TRIM47: variants seen among roughly 807,000 people sequenced by gnomAD.
The protein encoded by TRIM47 is tripartite motif containing 47.
TRIM47 carries 46 observed loss-of-function variants against 54.4 expected under a neutral mutation model. The observed-to-expected ratio is 0.84, with a 90% CI of 0.67 to 1.08. TRIM47 has a LOEUF of 1.08. Ranked by LOEUF, TRIM47 falls within the 50% of genes least tolerant of loss-of-function variation. TRIM47 has a pLI of 0.00. For missense variants in TRIM47, 825 were observed against 910.1 expected (o/e 0.91, Z 1.20); for synonymous variants, 392 against 410.2 (o/e 0.96, Z 0.54).
rs2065150021 is a variant in TRIM47, at chr17:75,878,529, A to G, written c.20T>C (p.Phe7Ser). 1 of 1,317,558 alleles carries G rather than the reference A, an allele frequency of 7.6e-7. No individual in the cohort carries two copies. Among genetic ancestry groups the G allele is most frequent in the Admixed American group, 3.4e-5 (1 of 29,644 alleles). The allele number at this position is 1,317,558 out of a possible 1,614,324, so 81.6% of individuals were successfully genotyped here. A position where few individuals can be genotyped will look rare whatever the true frequency, so the allele number is the denominator to read the frequency against. ...TGGCTCTAGGCAGATGGGGCAGCTG[A>G]AGGGTCCACTGCCGTCCATGACTCC... MDGSGPFSCPICLEPLR... is the reference protein window; with the variant it reads MDGSGPSSCPICLEPLR... Residue 7 changes from phenylalanine to serine, a missense_variant, in exon 1 of 6, where the codon TTC becomes TCC. Physicochemically the swap from Phe to Ser is radical, Grantham distance 155 (BLOSUM62 -2). Transcript: ENST00000254816.
chr17:75,876,140 G>T (rs1285585123), intron 3 of TRIM47, 41 bp from the exon 4 acceptor site: 10 of 1,587,590 alleles, frequency 6.3e-6, no homozygotes, highest in Non-Finnish European at 8.5e-6. Flanking sequence ...GCTGGCCATG[G>T]CTCCTCCTTG....
chr17:75,876,973 G>T (rs1471523901), intron 1 of TRIM47, 160 bp from the exon 2 acceptor site: 1 of 687,022 alleles, frequency 1.5e-6, no homozygotes, highest in Middle Eastern at 4.1e-4. Flanking sequence ...TATGCCAGAG[G>T]TGCCTGCAGC....
chr17:75,877,859 GC>G lies in TRIM47; in HGVS notation c.675+14del, dbSNP rs1227115465. The G allele has an allele frequency of 2.3e-6, 3 of 1,313,310 alleles. No homozygotes were observed. Among genetic ancestry groups the G allele is most frequent in the Non-Finnish European group, 2.9e-6 (3 of 1,031,522 alleles). 81.4% of individuals were successfully genotyped at this position (1,313,310 alleles called of 1,614,324 possible). Reference sequence around the variant, plus strand: ...CACCAGCCCCGGCTCACCCGAGTGTGCCCCCGGAGCCCACCTCCTGAAGCGC... The same window carrying G: ...CACCAGCCCCGGCTCACCCGAGTGTGCCCCGGAGCCCACCTCCTGAAGCGC... On this transcript the variant is annotated intron_variant, in intron 1 of 5. Coordinates refer to ENST00000254816, the MANE Select transcript of TRIM47 (RefSeq NM_033452.3).
intron 1 of TRIM47, 198 bp from the exon 2 acceptor site, chr17:75,877,011 G>A (rs1048619668): frequency 3.4e-6 from 2 of 594,334 alleles, no homozygotes; most frequent in Admixed American, 2.9e-5. Flanking sequence ...CTGAACGCCT[G>A]GGGGGCGTGC....
In TRIM47 at chr17:75,877,928, C is replaced by A; in HGVS notation, c.621G>T (p.Gln207His). The stretch of plus-strand genomic sequence containing the variant: ...GCACCAGCTCGTGGCCGCGGTGCTC[C>A]TGTGCGGCGCAGGCCTCGCACAGAC... ...RVCLCEACAA[Q>H]EHRGHELVPL... Residue 207 changes from glutamine (Q) to histidine (H), a missense_variant, in exon 1 of 6, where the codon CAG (glutamine) becomes CAT (histidine). Coordinates refer to ENST00000254816, the MANE Select transcript of TRIM47 (RefSeq NM_033452.3). The A allele has an allele frequency of 1.4e-6, 2 of 1,440,134 alleles. No homozygotes were observed. Among genetic ancestry groups the A allele is most frequent in the Non-Finnish European group, 9.1e-7 (1 of 1,101,068 alleles). 89.2% of individuals were successfully genotyped at this position (1,440,134 alleles called of 1,614,324 possible).
chr17:75,874,574 A>T lies in TRIM47; in HGVS notation c.1826T>A (p.Leu609His), dbSNP rs751151415. The change falls in exon 6 of 6, where the codon CTC (leucine) becomes CAC (histidine). Residue 609 changes from leucine to histidine, a missense_variant. Physicochemically the swap from Leu to His is moderately conservative, Grantham distance 99 (BLOSUM62 -3). Coordinates refer to ENST00000254816, the MANE Select transcript of TRIM47 (RefSeq NM_033452.3). The surrounding 1 kb of genome is among the most constrained non-coding windows in gnomAD (Gnocchi z 6.2). ...SHFAGLFTHRLKPAFFLESVD... is the reference protein window; with the variant it reads ...SHFAGLFTHRHKPAFFLESVD... Reference sequence around the variant, plus strand: ...ACTCTCCAGGAAGAAGGCAGGCTTGAGTCTGTGGGTGAAGAGCCCCGCAAA... The same window carrying T: ...ACTCTCCAGGAAGAAGGCAGGCTTGTGTCTGTGGGTGAAGAGCCCCGCAAA... 6.5e-7 allele frequency: 1 copy of T among 1,535,370 alleles called. No individual in the cohort carries two copies. The highest frequency in any genetic ancestry group is 2.2e-5 in the Admixed American group (1 of 46,464).
chr17:75,876,620 C>G, intron 2 of TRIM47, 98 bp downstream of exon 2: 1 of 1,538,052 alleles, frequency 6.5e-7, no homozygotes, highest in South Asian at 1.2e-5. Flanking sequence ...CTGAGCCTGT[C>G]CTGGATCTGG....
At position 75,874,630 on chromosome 17, in the gene TRIM47, A is replaced by G; in HGVS notation, c.1770T>C (p.Ile590=). The change falls in exon 6 of 6, where the codon ATT becomes ATC. Residue 590 remains isoleucine, a synonymous_variant. Coordinates refer to ENST00000254816, the MANE Select transcript of TRIM47 (RefSeq NM_033452.3). This position sits in a 1 kb window ranked among gnomAD's most constrained non-coding sequence, Gnocchi z 6.2. ...TGTCCAGGCGGCTCTGGAAGGGGTC[A>G]ATGGGGGAGGCCGGGATGCCACCCC... ...PRRGGIPASP[I]DPFQSRLDSH... The G allele has an allele frequency of 6.3e-7, 1 of 1,585,346 alleles. No individual in the cohort carries two copies. Among genetic ancestry groups the G allele is most frequent in the East Asian group, 2.2e-5 (1 of 44,480 alleles).
Position 75,876,456 on chromosome 17 carries a change from G to A in TRIM47, c.808C>T (p.Leu270=). The part of the protein sequence containing the change: ...AVAERERVSR[L]FADAAAALQG... ...AGGGCGGCCGCAGCATCTGCAAACAGCCGGCTCACCCTCTCCCGCTCTGCT... is the reference window on the plus strand; with the variant it reads ...AGGGCGGCCGCAGCATCTGCAAACAACCGGCTCACCCTCTCCCGCTCTGCT... Residue 270 remains leucine, a synonymous_variant, in exon 3 of 6, where the codon CTG becomes TTG. Coordinates refer to ENST00000254816, the MANE Select transcript of TRIM47 (RefSeq NM_033452.3). The A allele has an allele frequency of 6.2e-7, 1 of 1,610,404 alleles. No homozygotes were observed.
Position 75,874,632 on chromosome 17 carries a change from T to C in TRIM47, c.1768A>G (p.Ile590Val), listed in dbSNP as rs370028244. Reference protein sequence around the residue: ...PRRGGIPASPIDPFQSRLDSH... With the variant: ...PRRGGIPASPVDPFQSRLDSH... The stretch of plus-strand genomic sequence containing the variant: ...TCCAGGCGGCTCTGGAAGGGGTCAA[T>C]GGGGGAGGCCGGGATGCCACCCCGG... Residue 590 changes from isoleucine to valine, a missense_variant, in exon 6 of 6, where the codon ATT (isoleucine) becomes GTT (valine). By Grantham distance (29) the Ile-to-Val change is conservative (BLOSUM62 3). Coordinates refer to ENST00000254816, the MANE Select transcript of TRIM47 (RefSeq NM_033452.3). The surrounding 1 kb of genome is among the most constrained non-coding windows in gnomAD (Gnocchi z 6.2). 14 of 1,585,622 alleles carry C rather than the reference T, an allele frequency of 8.8e-6. No homozygotes were observed. The highest frequency in any genetic ancestry group is 1.2e-5 in the Non-Finnish European group (14 of 1,165,058).
In TRIM47 at chr17:75,875,148, G is replaced by T; in HGVS notation, c.1277-25C>A. On this transcript the variant is annotated intron_variant, in intron 5 of 5. Coordinates refer to ENST00000254816, the MANE Select transcript of TRIM47 (RefSeq NM_033452.3). This position sits in a 1 kb window ranked among gnomAD's most constrained non-coding sequence, Gnocchi z 6.1. Reference sequence around the variant, plus strand: ...ACTGATCCCGTGGACAGAAGAGAGAGGCAGGGCTCAGGGCCAGGCTCAGAG... The same window carrying T: ...ACTGATCCCGTGGACAGAAGAGAGATGCAGGGCTCAGGGCCAGGCTCAGAG... 6.4e-7 allele frequency: 1 copy of T among 1,567,076 alleles called. No homozygotes were observed.
In TRIM47 at chr17:75,876,912, G is replaced by T; in HGVS notation, c.676-99C>A. 7 of 1,167,956 alleles carry T rather than the reference G, an allele frequency of 6.0e-6. No homozygotes were observed. In the South Asian group the frequency reaches 9.4e-5, roughly 16 times the overall value. 72.3% of individuals were successfully genotyped at this position (1,167,956 alleles called of 1,614,324 possible). A position where few individuals can be genotyped will look rare whatever the true frequency, so the allele number is the denominator to read the frequency against. On this transcript the variant is annotated intron_variant, in intron 1 of 5. Transcript: ENST00000254816. Reference sequence around the variant, plus strand: ...CAGGGGAGAGAAGGGGGTGACTGGGGAGTGGTATCTGTGCATCAGGTGGGA... The same window carrying T: ...CAGGGGAGAGAAGGGGGTGACTGGGTAGTGGTATCTGTGCATCAGGTGGGA...
chr17:75,876,580 C>T lies in TRIM47; in HGVS notation c.772-88G>A, dbSNP rs569487988. ...TCCTTCCCTGACCCCGGCTTCCCAC[C>T]GGCCCTCTTGAGGGGACAGAGGGGC... On this transcript the variant is annotated intron_variant, in intron 2 of 5. Coordinates refer to ENST00000254816, the MANE Select transcript of TRIM47 (RefSeq NM_033452.3). 5.2e-5 allele frequency: 78 copies of T among 1,502,796 alleles called. No individual in the cohort carries two copies. The South Asian group carries it at 7.9e-4, about 15-fold the overall frequency. The allele number at this position is 1,502,796 out of a possible 1,614,324, so 93.1% of individuals were successfully genotyped here.
At position 75,878,003 on chromosome 17, in the gene TRIM47, G is replaced by A. The variant is rs1209325505; in HGVS notation, c.546C>T (p.Cys182=). The change falls in exon 1 of 6, where the codon TGC becomes TGT. Residue 182 remains cysteine (C), a synonymous_variant. Coordinates refer to ENST00000254816, the MANE Select transcript of TRIM47 (RefSeq NM_033452.3). ...PPLRRLEESL[C]PRHLRPLERY... ...GCTCGAGCGGCCGTAGGTGGCGCGGGCACAGGCTCTCCTCTAGCCGGCGCA... is the reference window on the plus strand; with the variant it reads ...GCTCGAGCGGCCGTAGGTGGCGCGGACACAGGCTCTCCTCTAGCCGGCGCA... 3.4e-6 allele frequency: 5 copies of A among 1,465,292 alleles called. No homozygotes were observed. The highest frequency in any genetic ancestry group is 1.3e-5 in the South Asian group (1 of 76,932). 90.8% of individuals were successfully genotyped at this position (1,465,292 alleles called of 1,614,324 possible). A position where few individuals can be genotyped will look rare whatever the true frequency, so the allele number is the denominator to read the frequency against.
Position 75,875,520 on chromosome 17 carries a change from C to A in TRIM47, c.1202-46G>T, listed in dbSNP as rs568976227. 8.4e-6 allele frequency: 13 copies of A among 1,554,018 alleles called. No homozygotes were observed. Among genetic ancestry groups the A allele is most frequent in the Non-Finnish European group, 1.2e-5 (13 of 1,126,424 alleles). On this transcript the variant is annotated intron_variant, in intron 4 of 5. Coordinates refer to ENST00000254816, the MANE Select transcript of TRIM47 (RefSeq NM_033452.3). The surrounding 1 kb of genome is among the most constrained non-coding windows in gnomAD (Gnocchi z 6.1). ...GTGAGAACGCCCCCAGACTGCCCCC[C>A]TCTGAACCTGTGACTACAATCCCTA...
Position 75,878,238 on chromosome 17 carries a change from G to C in TRIM47, c.311C>G (p.Ala104Gly), listed in dbSNP as rs1459114378. 1 of 1,234,174 alleles carries C rather than the reference G, an allele frequency of 8.1e-7. No homozygotes were observed. Among genetic ancestry groups the C allele is most frequent in the Non-Finnish European group, 1.0e-6 (1 of 988,916 alleles). 76.5% of individuals were successfully genotyped at this position (1,234,174 alleles called of 1,614,324 possible). A position where few individuals can be genotyped will look rare whatever the true frequency, so the allele number is the denominator to read the frequency against. ...CGACGGCTCCGGGACACTGGGCAGC[G>C]CGCTGGGTGCCGAGGGCTCCGGGGC... is the stretch of plus-strand genomic sequence containing the variant. ...ALAPEPSAPS[A>G]LPSVPEPSAP... Residue 104 changes from alanine (A) to glycine (G), a missense_variant, in exon 1 of 6, where the codon GCG becomes GGG. By Grantham distance (60) the Ala-to-Gly change is moderately conservative. Coordinates refer to ENST00000254816, the MANE Select transcript of TRIM47 (RefSeq NM_033452.3).
rs544335771 is a variant in TRIM47, at chr17:75,877,166, C to T, written c.676-353G>A. On this transcript the variant is annotated intron_variant, in intron 1 of 5. Transcript: ENST00000254816. Reference sequence around the variant, plus strand: ...TAAGCCAGTTAGGTTGGGAGGTGGGCGGCGGAGGGGTGACTGCACAAGGAG... The same window carrying T: ...TAAGCCAGTTAGGTTGGGAGGTGGGTGGCGGAGGGGTGACTGCACAAGGAG... 99 of 306,440 alleles carry T rather than the reference C, an allele frequency of 3.2e-4. 1 individual carries two copies. Among genetic ancestry groups the T allele is most frequent in the Middle Eastern group, 2.1e-3 (2 of 970 alleles). 19.0% of individuals were successfully genotyped at this position (306,440 alleles called of 1,614,324 possible). A position where few individuals can be genotyped will look rare whatever the true frequency, so the allele number is the denominator to read the frequency against.
At chr17:75,876,888 A>G (rs965453139) in intron 1 of TRIM47, 75 bp from the exon 2 acceptor site, 14 of 1,389,384 alleles carry the variant, frequency 1.0e-5, no homozygotes, top group Non-Finnish European at 1.4e-5. Flanking sequence ...AGGCCTTGCC[A>G]GGGGAGAGAA....
chr17:75,876,805 C>A lies in TRIM47; in HGVS notation c.684G>T (p.Gln228His), dbSNP rs1409719729. 6.2e-6 allele frequency: 10 copies of A among 1,613,862 alleles called. No individual in the cohort carries two copies. In the Admixed American group the frequency reaches 1.7e-4, roughly 27 times the overall value. The change falls in exon 2 of 6, where the codon CAG becomes CAT. Residue 228 changes from glutamine (Q) to histidine (H), a missense_variant. Transcript: ENST00000254816. ...EQERALQEAE[Q>H]SKVLSAVEDR... ...CCTCCACGGCGCTCAGGACTTTGGA[C>A]TGCTCAGCCTGTGGACAACACCCTC... is the stretch of plus-strand genomic sequence containing the variant.
Sources: allele counts gnomAD v4.1 joint callset, GRCh38; gene constraint gnomAD v4.1.1; non-coding constraint Gnocchi (gnomAD v3.1); transcripts MANE v1.5; gene names NCBI Gene and HGNC (gene_info 2026-07-23, HGNC 2026-07-21).